ANTXR1: variants seen among roughly 807,000 people sequenced by gnomAD.
ANTXR1 encodes anthrax toxin receptor 1.
Under a neutral mutation model 78.1 loss-of-function variants are expected in ANTXR1, and 19 were observed. The observed-to-expected ratio is 0.24, with a 90% confidence interval of 0.17 to 0.36. The LOEUF is 0.36. ANTXR1 is among the 10% of genes least tolerant of loss of function. The probability of loss-of-function intolerance (pLI) is 1.00; values close to 1 mark genes in which losing one functional copy is unlikely to be tolerated. For missense variants in ANTXR1, 518 were observed against 718.6 expected, an observed-to-expected ratio of 0.72 and a Z score of 3.19; for synonymous variants, 273 against 260.5, an observed-to-expected ratio of 1.05 and a Z score of -0.46.
rs1671499874 is a variant in ANTXR1, at chr2:69,030,583, C to T, written c.153-9461C>T. Among the ~76,000 whole-genome samples, 5 of 152,118 alleles carry T rather than the reference C, an allele frequency of 3.3e-5. No individual in the cohort carries two copies. The South Asian group carries it at 1.0e-3, about 32-fold the overall frequency. On this transcript the variant is annotated intron_variant, in intron 1 of 17. Coordinates refer to ENST00000303714, the MANE Select transcript of ANTXR1 (RefSeq NM_032208.3). Reference sequence around the variant, plus strand: ...AAGATAACTCCAATTTTTTTGACTGCTGAAGATAAAAACTGTATCTCAGCA... The same window carrying T: ...AAGATAACTCCAATTTTTTTGACTGTTGAAGATAAAAACTGTATCTCAGCA...
intron 14 of ANTXR1, among the ~76,000 whole-genome samples, chr2:69,171,670 G>A (rs889676431): frequency 1.3e-5 from 2 of 152,168 alleles, no homozygotes; most frequent in African/African-American, 2.4e-5. Flanking sequence ...AGTGCACCTG[G>A]GGATGTAGGT....
intron 9 of ANTXR1, among the ~76,000 whole-genome samples, chr2:69,102,565 GGGAGGAAGGTGTTCTGCGTTA>G (rs1403809441): frequency 1.3e-5 from 2 of 152,230 alleles, no homozygotes; most frequent in Non-Finnish European, 2.9e-5. Context: ...ACAGAGAGGA[GGGAGGAAGGTGTTCTGCGTTA>G]GGAGGACCAG....
chr2:69,079,299 C>T (rs1670830220), intron 8 of ANTXR1, among the ~76,000 whole-genome samples: 1 of 152,086 alleles, frequency 6.6e-6, no homozygotes, highest in Non-Finnish European at 1.5e-5. Flanking sequence ...AACAACAACC[C>T]AAGGGATGCA....
intron 17 of ANTXR1, among the ~76,000 whole-genome samples, chr2:69,206,703 C>A (rs1370091122): frequency 6.6e-6 from 1 of 152,090 alleles, no homozygotes; most frequent in Non-Finnish European, 1.5e-5. Context: ...CTGAGGCCAC[C>A]CTCTGTGCTT....
At chr2:69,026,316 G>A (rs1671343905) in intron 1 of ANTXR1, among the ~76,000 whole-genome samples, 1 of 152,194 alleles carries the variant, frequency 6.6e-6, no homozygotes, top group Non-Finnish European at 1.5e-5. Flanking sequence ...ATGTCCTTGA[G>A]TAAGCTACTT....
rs114356412 is a variant in ANTXR1 at position 69,113,107 on chromosome 2, G to A, written c.803-9910G>A. 1.6e-3 allele frequency among the ~76,000 whole-genome samples: 241 copies of A among 152,278 alleles called. 2 individuals are homozygous for A. The highest frequency in any genetic ancestry group is 5.7e-3 in the African/African-American group (235 of 41,548). On this transcript the variant is annotated intron_variant, in intron 10 of 17. Coordinates refer to ENST00000303714, the MANE Select transcript of ANTXR1 (RefSeq NM_032208.3). ...TCCACGTGAAAATCGTGAGCTCCAC[G>A]AGGACTCCAGGCATGTGCTGCATTT... is the stretch of plus-strand genomic sequence containing the variant.
intron 14 of ANTXR1, among the ~76,000 whole-genome samples, chr2:69,170,713 C>T (rs1016124856): frequency 2.0e-5 from 3 of 152,138 alleles, no homozygotes; most frequent in South Asian, 2.1e-4. Flanking sequence ...CTAGGAATAA[C>T]CTGATGCCCA....
chr2:69,116,982 G>A (rs1429838911), intron 10 of ANTXR1, among the ~76,000 whole-genome samples: 1 of 152,176 alleles, frequency 6.6e-6, no homozygotes, highest in East Asian at 1.9e-4. Context: ...GTCTGAAAAG[G>A]ATTACATTGT....
At chr2:69,049,158 T>A (rs1669858116) in intron 3 of ANTXR1, among the ~76,000 whole-genome samples, 1 of 151,462 alleles carries the variant, frequency 6.6e-6, no homozygotes, top group Non-Finnish European at 1.5e-5. Flanking sequence ...ATAAAATGAT[T>A]TACAAAAACG....
rs371110295 is a variant in ANTXR1 at position 69,166,968 on chromosome 2, C to G, written c.1048-3280C>G. Among the ~76,000 whole-genome samples the G allele has an allele frequency of 3.9e-5, 6 of 152,344 alleles. 2 individuals carry two copies. The highest frequency in any genetic ancestry group is 1.3e-4 in the Admixed American group (2 of 15,300). ...AGAACCTTGTCCTTTCTGTGAGATT[C>G]CCAGGGGAGGTGCATTTACTGGAGA... On this transcript the variant is annotated intron_variant, in intron 13 of 17. Coordinates refer to ENST00000303714, the MANE Select transcript of ANTXR1 (RefSeq NM_032208.3).
rs1676081645 is a variant in ANTXR1, at chr2:69,249,083, A to C, written c.*3598A>C. 1.3e-5 allele frequency: 2 copies of C among 152,350 alleles called. No homozygotes were observed. Among genetic ancestry groups the C allele is most frequent in the Admixed American group, 1.3e-4 (2 of 15,308 alleles). 9.4% of individuals were successfully genotyped at this position (152,350 alleles called of 1,614,324 possible). ...GTTATAAAAAATCAGTTATCACTAT[A>C]CCATGCTATAGGAGACTGGGCAAAA... On this transcript the variant is annotated 3_prime_UTR_variant, in exon 18 of 18. Transcript: ENST00000303714.
chr2:69,071,847 G>A (rs1354046341), intron 5 of ANTXR1, 60 bp downstream of exon 5: 5 of 1,472,320 alleles, frequency 3.4e-6, no homozygotes, highest in African/African-American at 1.4e-5. Flanking sequence ...GTTTGTTGCT[G>A]AAAAAGTGCT....
At chr2:69,148,523 T>C (rs1177486987) in intron 12 of ANTXR1, among the ~76,000 whole-genome samples, 3 of 152,188 alleles carry the variant, frequency 2.0e-5, no homozygotes, top group East Asian at 1.9e-4. Context: ...AGTTTGTCCA[T>C]CTCTCCTTGC....
At position 69,123,918 on chromosome 2, in the gene ANTXR1, C is replaced by A. The variant is rs141875612; in HGVS notation, c.873-647C>A. Among the ~76,000 whole-genome samples, 1,017 of 152,320 alleles carry A rather than the reference C, an allele frequency of 6.7e-3. 9 individuals are homozygous for A. The highest frequency in any genetic ancestry group is 0.023 in the African/African-American group (972 of 41,578). ...AACTTGTTCATCTGAATTTTGCCTT[C>A]AATCGTGTGTTCATATTGTGAAACC... On this transcript the variant is annotated intron_variant, in intron 11 of 17. Coordinates refer to ENST00000303714, the MANE Select transcript of ANTXR1 (RefSeq NM_032208.3).
chr2:69,052,904 T>C (rs1237979599), intron 3 of ANTXR1, among the ~76,000 whole-genome samples: 1 of 152,172 alleles, frequency 6.6e-6, no homozygotes, highest in African/African-American at 2.4e-5. Flanking sequence ...ACTGCTTCCA[T>C]TGCATTTTTC....
At chr2:69,205,020 TG>T (rs1340914510) in intron 17 of ANTXR1, among the ~76,000 whole-genome samples, 1 of 152,092 alleles carries the variant, frequency 6.6e-6, no homozygotes, top group African/African-American at 2.4e-5. Flanking sequence ...AGCTAGGCAG[TG>T]GGGATTTAGC....
intron 3 of ANTXR1, among the ~76,000 whole-genome samples, chr2:69,058,651 A>G (rs1329344962): frequency 6.6e-6 from 1 of 152,210 alleles, no homozygotes; most frequent in African/African-American, 2.4e-5. Context: ...CTGCTAACAC[A>G]ACATCCATTC....
At chr2:69,148,559 A>ATCTCTTTCTT (rs1673294871) in intron 12 of ANTXR1, among the ~76,000 whole-genome samples, 1 of 152,232 alleles carries the variant, frequency 6.6e-6, no homozygotes, top group Non-Finnish European at 1.5e-5. Flanking sequence ...GAGATGAGAA[A>ATCTCTTTCTT]GAGAATATTA....
chr2:69,233,826 T>C (rs1675685815), intron 17 of ANTXR1, among the ~76,000 whole-genome samples: 1 of 151,954 alleles, frequency 6.6e-6, no homozygotes, highest in South Asian at 2.1e-4. Context: ...TGGAAAATAT[T>C]AAATTATATC....
Sources: allele counts gnomAD v4.1 joint callset (sites outside exome capture counted in the v4.1 genomes callset), GRCh38; gene constraint gnomAD v4.1.1; transcripts MANE v1.5; gene names NCBI Gene and HGNC (gene_info 2026-07-23, HGNC 2026-07-21).